Variants in MACROD2 observed in about 807,000 individuals in gnomAD.
The protein encoded by MACROD2 is mono-ADP ribosylhydrolase 2.
A neutral mutation model predicts 70.4 loss-of-function variants in MACROD2; 36 were observed. The observed-to-expected ratio is 0.51, with a 90% CI of 0.39 to 0.68. MACROD2 has a LOEUF of 0.68. Ranked by LOEUF, MACROD2 falls within the 30% of genes least tolerant of loss-of-function variation. MACROD2 has a pLI of 0.00. For missense variants in MACROD2, 496 were observed against 538.4 expected (o/e 0.92, Z 0.78); for synonymous variants, 172 against 178.8 (o/e 0.96, Z 0.30).
At chr20:14,006,003 A>G (rs1410385884) in intron 2 of MACROD2, among the ~76,000 whole-genome samples, 1 of 152,244 alleles carries the variant, frequency 6.6e-6, no homozygotes. Flanking sequence ...TGCATATATG[A>G]TGGTGGTCCC....
At chr20:15,883,190 T>G (rs1859544312) in intron 9 of MACROD2, among the ~76,000 whole-genome samples, 1 of 152,070 alleles carries the variant, frequency 6.6e-6, no homozygotes, top group Admixed American at 6.6e-5. Context: ...CAAAGGGATC[T>G]TTGACTCTTC....
At chr20:15,532,004 G>A (rs951601927) in intron 8 of MACROD2, among the ~76,000 whole-genome samples, 1 of 152,062 alleles carries the variant, frequency 6.6e-6, no homozygotes, top group Non-Finnish European at 1.5e-5. Context: ...AACATGTATT[G>A]AGTACTGAAT....
intron 6 of MACROD2, among the ~76,000 whole-genome samples, chr20:15,384,914 C>T (rs1015835415): frequency 5.3e-5 from 8 of 152,230 alleles, no homozygotes; most frequent in Admixed American, 3.3e-4. Context: ...CACAATAAGA[C>T]CCCCCTCCTT....
At chr20:14,041,826 C>T (rs1402787362) in intron 2 of MACROD2, among the ~76,000 whole-genome samples, 3 of 152,168 alleles carry the variant, frequency 2.0e-5, no homozygotes, top group Non-Finnish European at 1.5e-5. Flanking sequence ...GTCTGTTCCT[C>T]TCTCTTCTTT....
At chr20:14,549,448 ATAAG>A (rs1325195877) in intron 4 of MACROD2, among the ~76,000 whole-genome samples, 3 of 152,162 alleles carry the variant, frequency 2.0e-5, no homozygotes, top group Non-Finnish European at 4.4e-5. Flanking sequence ...TTATATGTAA[ATAAG>A]TAATATTTTT....
At chr20:15,402,391 A>G (rs1315620222) in intron 6 of MACROD2, among the ~76,000 whole-genome samples, 3 of 152,232 alleles carry the variant, frequency 2.0e-5, no homozygotes, top group African/African-American at 7.2e-5. Context: ...TAAATTGCCT[A>G]TTACTTGCAT....
At chr20:14,036,325 G>T (rs2053309389) in intron 2 of MACROD2, among the ~76,000 whole-genome samples, 1 of 152,170 alleles carries the variant, frequency 6.6e-6, no homozygotes, top group Non-Finnish European at 1.5e-5. Context: ...TGGGTTCTCA[G>T]TACATTTTTG....
intron 8 of MACROD2, among the ~76,000 whole-genome samples, chr20:15,583,661 T>C (rs564687535): frequency 4.4e-4 from 67 of 152,286 alleles, no homozygotes; most frequent in African/African-American, 1.6e-3. Context: ...TTTTTCTTAT[T>C]GAGATGGACT....
intron 5 of MACROD2, among the ~76,000 whole-genome samples, chr20:15,050,288 G>A (rs572151137): frequency 4.6e-5 from 7 of 152,120 alleles, no homozygotes; most frequent in East Asian, 3.9e-4. Flanking sequence ...TGACTAAAAA[G>A]CACTCAATAC....
At chr20:14,282,486 G>C (rs1305277398) in intron 3 of MACROD2, among the ~76,000 whole-genome samples, 1 of 152,102 alleles carries the variant, frequency 6.6e-6, no homozygotes, top group East Asian at 1.9e-4. Context: ...CAGCCTGATG[G>C]GTGGATTCCA....
chr20:14,981,770 T>C (rs1180508676), intron 5 of MACROD2, among the ~76,000 whole-genome samples: 1 of 152,158 alleles, frequency 6.6e-6, no homozygotes, highest in African/African-American at 2.4e-5. Context: ...AATAAACCTC[T>C]TTCTTTTGTA....
At chr20:15,116,030 C>T (rs964400626) in intron 5 of MACROD2, among the ~76,000 whole-genome samples, 4 of 152,188 alleles carry the variant, frequency 2.6e-5, no homozygotes, top group Non-Finnish European at 4.4e-5. Flanking sequence ...GAGAGAAGTA[C>T]AATTCCACTG....
At chr20:15,189,920 G>T (rs1191132112) in intron 5 of MACROD2, among the ~76,000 whole-genome samples, 1 of 151,870 alleles carries the variant, frequency 6.6e-6, no homozygotes, top group Non-Finnish European at 1.5e-5. Flanking sequence ...TTTTGAAGGT[G>T]CATTAACCTT....
chr20:15,864,457 T>C (rs2064465355), intron 9 of MACROD2, among the ~76,000 whole-genome samples: 1 of 152,154 alleles, frequency 6.6e-6, no homozygotes, highest in African/African-American at 2.4e-5. Flanking sequence ...AATAATGACA[T>C]CATATTCATT....
intron 5 of MACROD2, among the ~76,000 whole-genome samples, chr20:14,976,709 C>T (rs1454816885): frequency 2.0e-5 from 3 of 152,086 alleles, no homozygotes; most frequent in Non-Finnish European, 2.9e-5. Flanking sequence ...AGGACATGAC[C>T]TCTGTTGCTT....
At chr20:15,698,612 G>A (rs1317756640) in intron 8 of MACROD2, among the ~76,000 whole-genome samples, 1 of 152,122 alleles carries the variant, frequency 6.6e-6, no homozygotes, top group Non-Finnish European at 1.5e-5. Context: ...GTATTTGGCT[G>A]TCTAGGTCTC....
At chr20:15,216,011 A>G (rs1159159099) in intron 5 of MACROD2, among the ~76,000 whole-genome samples, 1 of 152,148 alleles carries the variant, frequency 6.6e-6, no homozygotes, top group African/African-American at 2.4e-5. Context: ...AAAATGAAAG[A>G]GTAGTAATAA....
chr20:15,258,685 G>A (rs1009508408), intron 6 of MACROD2, among the ~76,000 whole-genome samples: 42 of 152,128 alleles, frequency 2.8e-4, no homozygotes, highest in African/African-American at 1.0e-3. Flanking sequence ...ATTAACCAAT[G>A]CATGATGACA....
chr20:14,052,528 G>A (rs986504412), intron 2 of MACROD2, among the ~76,000 whole-genome samples: 2 of 152,096 alleles, frequency 1.3e-5, no homozygotes, highest in Non-Finnish European at 2.9e-5. Context: ...TCTCAGGCAT[G>A]AAGATGTTAA....
Sources: gnomAD v4.1 joint callset for allele counts (sites outside exome capture counted in the v4.1 genomes callset) on GRCh38, gnomAD v4.1.1 for gene constraint, MANE v1.5 for transcripts, NCBI Gene and HGNC (gene_info 2026-07-23, HGNC 2026-07-21) for gene names.